KANSL1: variants seen among roughly 807,000 people sequenced by gnomAD.
KANSL1 encodes the protein KAT8 regulatory NSL complex subunit 1, also known as MLL1/MLL complex subunit KANSL1.
In KANSL1, 22 loss-of-function variants were observed where a neutral mutation model predicts 103.6. That is an observed-to-expected ratio of 0.21 (90% CI 0.15 to 0.30). KANSL1 has a LOEUF of 0.30. KANSL1 is among the 10% of genes least tolerant of loss of function. The pLI is 1.00. For missense variants in KANSL1, 1,337 were observed against 1,399.8 expected (o/e 0.96, Z 0.72); for synonymous variants, 600 against 527.6 (o/e 1.14, Z -1.88).
intron 1 of KANSL1, among the ~76,000 whole-genome samples, chr17:46,203,809 C>A (rs2047879707): frequency 6.6e-6 from 1 of 152,198 alleles, no homozygotes; most frequent in African/African-American, 2.4e-5. Flanking sequence ...ATCCAGGGAA[C>A]CAAGCAGGCA....
At position 46,051,454 on chromosome 17, in the gene KANSL1, G is replaced by T. The variant is rs899372580; in HGVS notation, c.1849-750C>A. 5.3e-5 allele frequency among the ~76,000 whole-genome samples: 8 copies of T among 152,182 alleles called. No individual in the cohort carries two copies. The East Asian group carries it at 1.3e-3, about 26-fold the overall frequency. On this transcript the variant is annotated intron_variant, in intron 6 of 14. Transcript: ENST00000432791. ...GCAGAATAATTGATAACCTCTCCAG[G>T]TAAGTCCAAAGTTAAATATGAACTA...
At chr17:46,198,285 A>C (rs1007027752), upstream of KANSL1, among the ~76,000 whole-genome samples, 7 of 112,342 alleles carry the variant, frequency 6.2e-5, no homozygotes, top group East Asian at 1.9e-4. Context: ...AAGTTTAACT[A>C]TTATTATTAG....
At chr17:46,066,508 G>C (rs747852401) in intron 6 of KANSL1, 29 bp downstream of exon 6, 1 of 1,560,136 alleles carries the variant, frequency 6.4e-7, no homozygotes, top group Non-Finnish European at 8.7e-7. Context: ...CTCACTGCTT[G>C]ACAATGACCA....
intron 1 of KANSL1, among the ~76,000 whole-genome samples, chr17:46,175,638 C>T (rs1266200783): frequency 1.3e-5 from 2 of 152,200 alleles, no homozygotes; most frequent in East Asian, 1.9e-4. Context: ...GTGTGATCCA[C>T]TGTGCCTGGC....
chr17:46,192,047 G>C (rs1014240722), intron 1 of KANSL1, among the ~76,000 whole-genome samples: 1 of 152,154 alleles, frequency 6.6e-6, no homozygotes. Flanking sequence ...AATTTAAAGT[G>C]GCGCCATCAT....
chr17:46,176,197 A>G (rs1421909358), intron 1 of KANSL1, among the ~76,000 whole-genome samples: 2 of 152,230 alleles, frequency 1.3e-5, no homozygotes, highest in Non-Finnish European at 2.9e-5. Flanking sequence ...CCCTCTGAGG[A>G]CCCAAGCAAG....
At chr17:46,188,084 A>C (rs1597920377) in intron 1 of KANSL1, among the ~76,000 whole-genome samples, 1 of 152,376 alleles carries the variant, frequency 6.6e-6, no homozygotes, top group Middle Eastern at 3.4e-3. Flanking sequence ...GGCTTAAAAA[A>C]GAAACAAATA....
intron 2 of KANSL1, among the ~76,000 whole-genome samples, chr17:46,150,455 C>G (rs1245575345): frequency 6.6e-6 from 1 of 152,186 alleles, no homozygotes; most frequent in African/African-American, 2.4e-5. Flanking sequence ...TATCTTAGAT[C>G]CCCTAAGCCT....
chr17:46,052,153 G>C (rs954194565), intron 6 of KANSL1, among the ~76,000 whole-genome samples: 3 of 152,104 alleles, frequency 2.0e-5, no homozygotes, highest in African/African-American at 7.2e-5. Context: ...GTGAGTGGGA[G>C]GATTTAGGAA....
chr17:46,105,941 ACACACACC>A (rs747081412), intron 2 of KANSL1, among the ~76,000 whole-genome samples: 3,831 of 75,668 alleles, frequency 0.051, 39 homozygotes, highest in Non-Finnish European at 0.068. Flanking sequence ...ACACACACAC[ACACACACC>A]CCCCCAGAAG....
chr17:46,050,959 G>A (rs747038314), intron 6 of KANSL1, among the ~76,000 whole-genome samples: 3 of 152,200 alleles, frequency 2.0e-5, no homozygotes, highest in Non-Finnish European at 2.9e-5. Flanking sequence ...ACTACTTGAA[G>A]CTCTAAGTGC....
chr17:46,208,556 G>T (rs532232513), intron 1 of KANSL1, among the ~76,000 whole-genome samples: 2 of 151,422 alleles, frequency 1.3e-5, no homozygotes, highest in East Asian at 3.9e-4. Flanking sequence ...GGGGGCTGGA[G>T]GTTGCAGTGA....
chr17:46,073,789 A>G (rs904759160), intron 4 of KANSL1, among the ~76,000 whole-genome samples: 1 of 152,330 alleles, frequency 6.6e-6, no homozygotes. Context: ...TTTTGACTGC[A>G]TAACAGTTAA....
At chr17:46,211,464 G>A (rs189860025) in intron 1 of KANSL1, among the ~76,000 whole-genome samples, 2 of 152,344 alleles carry the variant, frequency 1.3e-5, no homozygotes, top group Non-Finnish European at 2.9e-5. Context: ...CACATTCAAA[G>A]CTGTCCTGGG....
intron 10 of KANSL1, chr17:46,035,586 G>A (rs1249725673): frequency 6.6e-6 from 1 of 152,180 alleles, no homozygotes; most frequent in South Asian, 2.1e-4. Context: ...CAGACTTTTG[G>A]GGATCTTGCC....
At chr17:46,225,295 C>G (rs2048652574), upstream of KANSL1, 1 of 152,558 alleles carries the variant, frequency 6.6e-6, no homozygotes, top group Non-Finnish European at 1.5e-5. Flanking sequence ...GCCCCCACCC[C>G]CAGGGGCACC....
Position 46,211,670 on chromosome 17 carries a change from G to T in KANSL1, c.-90+12001C>A, listed in dbSNP as rs566092392. On this transcript the variant is annotated intron_variant, in intron 1 of 14. Transcript: ENST00000572904. ...ACTGGAGATTAAATTAAAAAGTCAA[G>T]CATCTTCAGTTGAGAAACATGAAAG... is the stretch of plus-strand genomic sequence containing the variant. Among the ~76,000 whole-genome samples the T allele has an allele frequency of 7.2e-5, 11 of 152,338 alleles. No homozygotes were observed. In the South Asian group the frequency reaches 1.9e-3, roughly 26 times the overall value.
At chr17:46,045,802 G>A (rs1244099932) in intron 7 of KANSL1, 1 of 152,268 alleles carries the variant, frequency 6.6e-6, no homozygotes, top group Non-Finnish European at 1.5e-5. Flanking sequence ...AACAGGAGCT[G>A]AGAGACACAC....
intron 1 of KANSL1, among the ~76,000 whole-genome samples, chr17:46,187,381 A>G (rs1265117734): frequency 1.3e-5 from 2 of 152,236 alleles, no homozygotes; most frequent in East Asian, 3.8e-4. Context: ...TCCAAATAAG[A>G]GCAGAATCTG....
Sources: allele counts gnomAD v4.1 joint callset (sites outside exome capture counted in the v4.1 genomes callset), GRCh38; gene constraint gnomAD v4.1.1; transcripts MANE v1.5; gene names NCBI Gene and HGNC (gene_info 2026-07-23, HGNC 2026-07-21).